NKAIN3: variants seen among roughly 807,000 people sequenced by gnomAD.
NKAIN3 encodes sodium/potassium-transporting ATPase subunit beta-1-interacting protein 3.
NKAIN3 carries 25 observed loss-of-function variants against 30.2 expected under a neutral mutation model. The ratio of observed to expected loss-of-function variants is 0.83; its 90% confidence interval spans 0.60 to 1.16. NKAIN3 has a LOEUF of 1.16. Ranked by LOEUF, NKAIN3 falls within the 50% of genes most tolerant of loss-of-function variation. The pLI, the probability that NKAIN3 is intolerant of heterozygous loss-of-function variation, is 0.00. For synonymous variants in NKAIN3, 91 were observed against 89.6 expected, an observed-to-expected ratio of 1.02 and a Z score of -0.09; for missense variants, 225 against 254.1, an observed-to-expected ratio of 0.89 and a Z score of 0.78.
intron 3 of NKAIN3, among the ~76,000 whole-genome samples, chr8:62,729,189 A>G (rs1334069981): frequency 6.6e-6 from 1 of 152,090 alleles, no homozygotes; most frequent in Non-Finnish European, 1.5e-5. Context: ...AAAAGAAACG[A>G]TTTATTTAGA....
chr8:62,336,042 A>G (rs1323078575), intron 1 of NKAIN3, among the ~76,000 whole-genome samples: 2 of 152,210 alleles, frequency 1.3e-5, no homozygotes, highest in East Asian at 3.9e-4. Context: ...TGAGAGGTCA[A>G]CAAAGGAACA....
intron 4 of NKAIN3, among the ~76,000 whole-genome samples, chr8:62,870,269 T>G (rs1239401621): frequency 1.5e-5 from 2 of 133,038 alleles, no homozygotes; most frequent in African/African-American, 5.8e-5. Context: ...TATCTATATA[T>G]AGATATATAT....
chr8:62,525,689 C>T (rs944086411), intron 1 of NKAIN3, among the ~76,000 whole-genome samples: 3 of 152,126 alleles, frequency 2.0e-5, no homozygotes, highest in African/African-American at 4.8e-5. Context: ...TGGGCATACT[C>T]AGCTTATAAG....
At chr8:62,791,779 C>G (rs1261030426) in intron 4 of NKAIN3, among the ~76,000 whole-genome samples, 1 of 151,774 alleles carries the variant, frequency 6.6e-6, no homozygotes, top group Non-Finnish European at 1.5e-5. Flanking sequence ...ATCTTCATAA[C>G]AGTTTCCAGA....
intron 1 of NKAIN3, among the ~76,000 whole-genome samples, chr8:62,441,697 T>C (rs1228948885): frequency 6.6e-6 from 1 of 152,026 alleles, no homozygotes; most frequent in Non-Finnish European, 1.5e-5. Context: ...ATATTGGTAA[T>C]TAATAATTTT....
chr8:62,262,313 G>A (rs1812466519), intron 1 of NKAIN3, among the ~76,000 whole-genome samples: 1 of 152,140 alleles, frequency 6.6e-6, no homozygotes, highest in African/African-American at 2.4e-5. Flanking sequence ...TGAAATGCAA[G>A]CTTTCTGCAG....
At chr8:62,249,173 G>C (rs971938831) in intron 1 of NKAIN3, 46 bp downstream of exon 1, 1 of 1,470,632 alleles carries the variant, frequency 6.8e-7, no homozygotes, top group Non-Finnish European at 9.1e-7. Flanking sequence ...CCCTGCTCCA[G>C]GACCGGCCTC....
chr8:62,827,041 T>C (rs141695601), intron 4 of NKAIN3, among the ~76,000 whole-genome samples: 1 of 152,154 alleles, frequency 6.6e-6, no homozygotes. Context: ...TTTACAAAGG[T>C]AAATAATAGA....
chr8:62,768,210 C>A (rs1039617184), intron 4 of NKAIN3, among the ~76,000 whole-genome samples: 1 of 152,172 alleles, frequency 6.6e-6, no homozygotes, highest in African/African-American at 2.4e-5. Context: ...GGCACTAGTT[C>A]TGCCTCTTGT....
intron 1 of NKAIN3, among the ~76,000 whole-genome samples, chr8:62,490,995 C>CTTGCTCA (rs1222109066): frequency 6.6e-6 from 1 of 152,186 alleles, no homozygotes; most frequent in Non-Finnish European, 1.5e-5. Context: ...ACACCAGGCC[C>CTTGCTCA]TTGCTCATTT....
intron 1 of NKAIN3, among the ~76,000 whole-genome samples, chr8:62,361,621 C>A (rs1816566774): frequency 6.6e-6 from 1 of 152,130 alleles, no homozygotes; most frequent in South Asian, 2.1e-4. Flanking sequence ...TATTTAAAAT[C>A]CTTGCAGGTC....
chr8:62,248,911 A>C lies in NKAIN3; in HGVS notation c.-163A>C. Reference sequence around the variant, plus strand: ...CCTCGGCCCGCCCCGCCGGGAAACTAACAAAGGCGGGCGCGAGCCCCGAGC... The same window carrying C: ...CCTCGGCCCGCCCCGCCGGGAAACTCACAAAGGCGGGCGCGAGCCCCGAGC... On this transcript the variant is annotated 5_prime_UTR_variant, in exon 1 of 7. Transcript: ENST00000623646. The C allele has an allele frequency of 1.7e-6, 1 of 592,916 alleles. No individual in the cohort carries two copies. The highest frequency in any genetic ancestry group is 2.8e-6 in the Non-Finnish European group (1 of 357,328). 36.7% of individuals were successfully genotyped at this position (592,916 alleles called of 1,614,324 possible). A position where few individuals can be genotyped will look rare whatever the true frequency, so the allele number is the denominator to read the frequency against.
intron 4 of NKAIN3, among the ~76,000 whole-genome samples, chr8:62,750,600 G>T (rs944514504): frequency 1.3e-5 from 2 of 152,060 alleles, no homozygotes; most frequent in African/African-American, 4.8e-5. Context: ...GCGGCGGGGG[G>T]TGCCACGTGC....
chr8:62,671,795 T>G (rs536962253), intron 3 of NKAIN3, among the ~76,000 whole-genome samples: 1 of 152,238 alleles, frequency 6.6e-6, no homozygotes, highest in South Asian at 2.1e-4. Flanking sequence ...TGGTATGTTC[T>G]TTAGGATAGC....
chr8:62,708,578 G>A lies in NKAIN3; in HGVS notation c.274-38354G>A, dbSNP rs142508283. ...ATTTGTGTACATGAATCTTGTATCCGGAAACTATGCTGAATTCTTTTATCA... is the reference window on the plus strand; with the variant it reads ...ATTTGTGTACATGAATCTTGTATCCAGAAACTATGCTGAATTCTTTTATCA... On this transcript the variant is annotated intron_variant, in intron 3 of 6. Transcript: ENST00000623646. 7.3e-4 allele frequency among the ~76,000 whole-genome samples: 111 copies of A among 152,146 alleles called. 1 individual carries two copies. Among genetic ancestry groups the A allele is most frequent in the African/African-American group, 2.2e-3 (93 of 41,546 alleles).
chr8:62,416,539 T>C (rs62509254), intron 1 of NKAIN3, among the ~76,000 whole-genome samples: 20,982 of 152,196 alleles, frequency 0.14, 1,743 homozygotes, highest in East Asian at 0.41. Flanking sequence ...TGTGGGTACA[T>C]AGTAGGTATA....
At chr8:62,458,525 C>G (rs1433592694) in intron 1 of NKAIN3, among the ~76,000 whole-genome samples, 1 of 152,186 alleles carries the variant, frequency 6.6e-6, no homozygotes, top group African/African-American at 2.4e-5. Context: ...TCATCTGTCA[C>G]TGTGAAGGCC....
chr8:62,262,825 ATGTT>A (rs1430543150), intron 1 of NKAIN3, among the ~76,000 whole-genome samples: 6 of 152,154 alleles, frequency 3.9e-5, no homozygotes, highest in Non-Finnish European at 4.4e-5. Context: ...TATTATTAAT[ATGTT>A]TGTTTGGCTC....
intron 1 of NKAIN3, among the ~76,000 whole-genome samples, chr8:62,453,605 G>T (rs1351167877): frequency 1.3e-5 from 2 of 151,938 alleles, no homozygotes; most frequent in African/African-American, 4.8e-5. Context: ...CTATTTGGAA[G>T]AATTAATAAG....
Sources: gnomAD v4.1 joint callset for allele counts (sites outside exome capture counted in the v4.1 genomes callset) on GRCh38, gnomAD v4.1.1 for gene constraint, MANE v1.5 for transcripts, NCBI Gene and HGNC (gene_info 2026-07-23, HGNC 2026-07-21) for gene names.